Variants in MYO16 observed in about 807,000 individuals in gnomAD.
MYO16 encodes unconventional myosin-XVI.
Under a neutral mutation model 205.3 loss-of-function variants are expected in MYO16, and 94 were observed. The ratio of observed to expected loss-of-function variants is 0.46; its 90% CI spans 0.39 to 0.54. The LOEUF is 0.54. Among genes scored for constraint, MYO16 ranks in the 20% least tolerant of loss-of-function variants. MYO16 has a pLI of 0.00. For missense variants in MYO16, 2,315 were observed against 2,387.5 expected (o/e 0.97, Z 0.63); for synonymous variants, 988 against 954.0 (o/e 1.04, Z -0.66).
At chr13:108,729,608 C>A (rs907821028) in intron 4 of MYO16, among the ~76,000 whole-genome samples, 1 of 152,066 alleles carries the variant, frequency 6.6e-6, no homozygotes, top group Non-Finnish European at 1.5e-5. Flanking sequence ...GAAGCTCTTT[C>A]TTCCTGCATG....
intron 11 of MYO16, among the ~76,000 whole-genome samples, chr13:108,861,488 T>A (rs1423606838): frequency 6.6e-6 from 1 of 152,170 alleles, no homozygotes; most frequent in Non-Finnish European, 1.5e-5. Context: ...TTTTGCACCT[T>A]TTTATTTTTT....
intron 17 of MYO16, 122 bp downstream of exon 17, chr13:108,957,921 G>T (rs1226317250): frequency 6.7e-6 from 5 of 749,990 alleles, no homozygotes; most frequent in Non-Finnish European, 1.1e-5. Context: ...GGACACTGAT[G>T]ATTCGGCAGA....
At chr13:109,045,798 G>A (rs968937954) in intron 23 of MYO16, among the ~76,000 whole-genome samples, 13 of 152,140 alleles carry the variant, frequency 8.5e-5, no homozygotes, top group Non-Finnish European at 1.8e-4. Flanking sequence ...TTTCTTCATA[G>A]TTTCTTCTGC....
chr13:108,804,480 A>C (rs1034540245), intron 6 of MYO16, among the ~76,000 whole-genome samples: 1 of 152,120 alleles, frequency 6.6e-6, no homozygotes, highest in Non-Finnish European at 1.5e-5. Flanking sequence ...AGGAGTATAA[A>C]TTCCATTTCA....
intron 21 of MYO16, among the ~76,000 whole-genome samples, chr13:109,005,453 T>C (rs920251124): frequency 8.5e-5 from 13 of 152,202 alleles, no homozygotes; most frequent in African/African-American, 2.9e-4. Context: ...ATATGTGATA[T>C]TCAGATCTTA....
rs144340704 is a variant in MYO16, at chr13:109,170,597, TTTAAG to T, written c.5323+5541_5323+5545del. On this transcript the variant is annotated intron_variant, in intron 33 of 34. Coordinates refer to ENST00000457511, the MANE Select transcript of MYO16 (RefSeq NM_001198950.3). ...AAGGGAACTTCTCTTCACCAAAATA[TTTAAG>T]TTTTCTGTGTTTTGAGGCAAAAGGC... Among the ~76,000 whole-genome samples, 775 of 152,092 alleles carry T rather than the reference TTTAAG, an allele frequency of 5.1e-3. 3 individuals carry two copies. The highest frequency in any genetic ancestry group is 0.018 in the African/African-American group (737 of 41,500).
chr13:108,763,405 A>T (rs1038620439), intron 4 of MYO16, among the ~76,000 whole-genome samples: 3 of 152,212 alleles, frequency 2.0e-5, no homozygotes, highest in Admixed American at 2.0e-4. Flanking sequence ...AGCAGTGTAG[A>T]GTAAGATTGC....
chr13:108,798,239 T>A (rs1011699524), intron 6 of MYO16, among the ~76,000 whole-genome samples: 6 of 152,180 alleles, frequency 3.9e-5, no homozygotes, highest in African/African-American at 1.2e-4. Flanking sequence ...GAAGACAGTT[T>A]TGTTCAGATT....
chr13:108,519,319 T>A, the MYO16 span, among the ~76,000 whole-genome samples: 1 of 152,166 alleles, frequency 6.6e-6, no homozygotes, highest in Admixed American at 6.5e-5. Context: ...GCCTGCTTTA[T>A]AAAGTAAAAC....
At chr13:108,680,379 T>A (rs755986619) in intron 2 of MYO16, among the ~76,000 whole-genome samples, 1 of 152,204 alleles carries the variant, frequency 6.6e-6, no homozygotes, top group South Asian at 2.1e-4. Flanking sequence ...CAATGCAAAA[T>A]AAATGAGTTT....
intron 13 of MYO16, among the ~76,000 whole-genome samples, chr13:108,887,523 G>GT (rs1199793414): frequency 6.6e-6 from 1 of 152,092 alleles, no homozygotes; most frequent in Non-Finnish European, 1.5e-5. Context: ...GGAATTTTAT[G>GT]TCAATCCTAT....
At chr13:109,128,858 G>A (rs546205319) in intron 31 of MYO16, among the ~76,000 whole-genome samples, 115 of 140,100 alleles carry the variant, frequency 8.2e-4, no homozygotes, top group African/African-American at 2.4e-3. Flanking sequence ...TGCAACCTCC[G>A]CCTCTGGGGT....
intron 4 of MYO16, among the ~76,000 whole-genome samples, chr13:108,757,942 A>T (rs9559403): frequency 6.6e-6 from 1 of 152,298 alleles, no homozygotes; most frequent in East Asian, 1.9e-4. Flanking sequence ...CTAAAAATTC[A>T]TAGGTTGCAA....
At chr13:108,562,373 G>A in the MYO16 span, among the ~76,000 whole-genome samples, 3 of 152,204 alleles carry the variant, frequency 2.0e-5, no homozygotes, top group Non-Finnish European at 2.9e-5. Context: ...TAGGGGGTAC[G>A]AATATTTAGT....
chr13:108,688,935 C>T (rs1049301410), intron 2 of MYO16, among the ~76,000 whole-genome samples: 2 of 152,126 alleles, frequency 1.3e-5, no homozygotes, highest in East Asian at 3.9e-4. Context: ...AGTACTGGCT[C>T]ATGAGCTTGT....
At chr13:109,017,885 T>C (rs1885883174) in intron 22 of MYO16, among the ~76,000 whole-genome samples, 1 of 152,214 alleles carries the variant, frequency 6.6e-6, no homozygotes, top group Non-Finnish European at 1.5e-5. Flanking sequence ...TCAAGGTTTT[T>C]AGCTTCTTTG....
chr13:109,152,236 C>T (rs908212961), intron 32 of MYO16, among the ~76,000 whole-genome samples: 1 of 152,280 alleles, frequency 6.6e-6, no homozygotes, highest in South Asian at 2.1e-4. Context: ...AATTGCCTTT[C>T]GAGTAACTAT....
intron 21 of MYO16, among the ~76,000 whole-genome samples, chr13:109,004,122 G>A (rs964950235): frequency 2.0e-5 from 3 of 152,130 alleles, no homozygotes; most frequent in African/African-American, 7.2e-5. Flanking sequence ...TCAGCAATTT[G>A]TTCCCTAAAA....
the MYO16 span, among the ~76,000 whole-genome samples, chr13:108,586,839 C>A: frequency 6.6e-6 from 1 of 152,108 alleles, no homozygotes; most frequent in Admixed American, 6.6e-5. Context: ...CTATAAGGAC[C>A]CTTTATACCC....
Sources: allele counts gnomAD v4.1 joint callset (sites outside exome capture counted in the v4.1 genomes callset), GRCh38; gene constraint gnomAD v4.1.1; transcripts MANE v1.5; gene names NCBI Gene and HGNC (gene_info 2026-07-23, HGNC 2026-07-21).